NOX4: variants seen among roughly 807,000 people sequenced by gnomAD.
The protein encoded by NOX4 is kidney oxidase-1.
NOX4 carries 69 observed loss-of-function variants against 87.6 expected under a neutral mutation model. The ratio of observed to expected loss-of-function variants is 0.79; its 90% confidence interval spans 0.65 to 0.96. The LOEUF (loss-of-function observed/expected upper bound fraction) is 0.96, where lower values mean the gene tolerates loss of function less well. Among genes scored for constraint, NOX4 ranks in the 40% least tolerant of loss-of-function variants. NOX4 has a pLI of 0.00. For missense variants in NOX4, 680 were observed against 681.5 expected, an observed-to-expected ratio of 1.00 and a Z score of 0.02; for synonymous variants, 275 against 238.2, an observed-to-expected ratio of 1.15 and a Z score of -1.42.
At chr11:89,399,990 T>A in intron 11 of NOX4, 27 bp downstream of exon 11, 2 of 1,570,400 alleles carry the variant, frequency 1.3e-6, no homozygotes, top group South Asian at 2.3e-5. Flanking sequence ...CCTACAAATG[T>A]GAAAAAGCAA....
At chr11:89,374,702 T>C (rs1939708804) in intron 11 of NOX4, among the ~76,000 whole-genome samples, 1 of 151,970 alleles carries the variant, frequency 6.6e-6, no homozygotes, top group Non-Finnish European at 1.5e-5. Flanking sequence ...TGGGTGAGAG[T>C]TGCATAAGAA....
intron 7 of NOX4, among the ~76,000 whole-genome samples, chr11:89,429,540 C>T (rs1361665897): frequency 6.6e-6 from 1 of 152,120 alleles, no homozygotes; most frequent in Non-Finnish European, 1.5e-5. Context: ...CAACACCGAT[C>T]GCACAGAAAT....
chr11:89,460,905 A>G (rs1342321610), intron 2 of NOX4, among the ~76,000 whole-genome samples: 2 of 152,202 alleles, frequency 1.3e-5, no homozygotes, highest in African/African-American at 4.8e-5. Flanking sequence ...CTTGGAACCA[A>G]CCCAAATGTC....
chr11:89,421,602 A>C (rs1008417441), intron 8 of NOX4, among the ~76,000 whole-genome samples: 3 of 152,158 alleles, frequency 2.0e-5, no homozygotes, highest in Non-Finnish European at 4.4e-5. Flanking sequence ...CTTCATTCTT[A>C]AATTTTTTCA....
In NOX4 at chr11:89,324,922, A is replaced by G. The variant is rs534760655; in HGVS notation, c.*1834T>C. 7.2e-4 allele frequency: 109 copies of G among 152,136 alleles called. 1 individual carries two copies. The highest frequency in any genetic ancestry group is 3.4e-3 in the Middle Eastern group (1 of 294). The allele number at this position is 152,136 out of a possible 1,614,324, so 9.4% of individuals were successfully genotyped here. On this transcript the variant is annotated 3_prime_UTR_variant, in exon 18 of 18. Coordinates refer to ENST00000263317, the MANE Select transcript of NOX4 (RefSeq NM_016931.5). ...TATCTACAAGTAAATATCATTCAGT[A>G]TGGGTTAGCATGCTTGATTGCTATT... is the stretch of plus-strand genomic sequence containing the variant.
intron 8 of NOX4, among the ~76,000 whole-genome samples, chr11:89,404,076 T>C (rs1839635244): frequency 6.6e-6 from 1 of 152,180 alleles, no homozygotes. Context: ...ACAGTAGATA[T>C]AGCCTATGTA....
chr11:89,485,496 TTTAA>T (rs1395411818), intron 2 of NOX4, among the ~76,000 whole-genome samples: 1 of 152,078 alleles, frequency 6.6e-6, no homozygotes, highest in Non-Finnish European at 1.5e-5. Context: ...CATGATATTC[TTTAA>T]TTATTAAAAT....
At chr11:89,350,880 A>G (rs1361609132) in intron 13 of NOX4, among the ~76,000 whole-genome samples, 2 of 152,150 alleles carry the variant, frequency 1.3e-5, no homozygotes, top group South Asian at 2.1e-4. Context: ...AGACAAAACA[A>G]TATTGAATTT....
intron 2 of NOX4, among the ~76,000 whole-genome samples, chr11:89,482,625 T>C (rs968218460): frequency 3.9e-5 from 6 of 152,004 alleles, no homozygotes; most frequent in African/African-American, 1.2e-4. Context: ...GAAATTTCTT[T>C]CCTTTAAACC....
the NOX4 span, among the ~76,000 whole-genome samples, chr11:89,542,676 C>G: frequency 6.6e-6 from 1 of 152,112 alleles, no homozygotes; most frequent in Non-Finnish European, 1.5e-5. Context: ...CTTTTTATCC[C>G]TTTCTTCACT....
At chr11:89,513,177 G>C in the NOX4 span, among the ~76,000 whole-genome samples, 1 of 151,934 alleles carries the variant, frequency 6.6e-6, no homozygotes. Context: ...AAAATTAGCT[G>C]TGTGTGGTGG....
At chr11:89,351,552 A>G (rs1431108002) in intron 13 of NOX4, among the ~76,000 whole-genome samples, 2 of 152,186 alleles carry the variant, frequency 1.3e-5, no homozygotes, top group African/African-American at 2.4e-5. Context: ...CAAAGCTTCA[A>G]AGGATAGACT....
At chr11:89,395,577 C>T (rs1357503643) in intron 11 of NOX4, among the ~76,000 whole-genome samples, 2 of 152,032 alleles carry the variant, frequency 1.3e-5, no homozygotes, top group Admixed American at 6.6e-5. Context: ...AAGTCCTTGC[C>T]CATGCCTATG....
At chr11:89,389,581 C>A (rs1940976887) in intron 11 of NOX4, among the ~76,000 whole-genome samples, 1 of 152,102 alleles carries the variant, frequency 6.6e-6, no homozygotes, top group Middle Eastern at 3.2e-3. Flanking sequence ...GTAGTATGGA[C>A]AATCGAAAGC....
intron 11 of NOX4, among the ~76,000 whole-genome samples, chr11:89,397,035 A>C (rs1241077833): frequency 1.3e-5 from 2 of 152,110 alleles, no homozygotes; most frequent in Non-Finnish European, 2.9e-5. Context: ...GCACCACATT[A>C]CACTTATTCC....
intron 2 of NOX4, among the ~76,000 whole-genome samples, chr11:89,454,231 G>T (rs1295986993): frequency 6.6e-6 from 1 of 151,926 alleles, no homozygotes; most frequent in Non-Finnish European, 1.5e-5. Flanking sequence ...CAAGACCAGG[G>T]TAAATATTTC....
At chr11:89,362,716 T>A (rs1374483692) in intron 12 of NOX4, among the ~76,000 whole-genome samples, 1 of 151,962 alleles carries the variant, frequency 6.6e-6, no homozygotes, top group African/African-American at 2.4e-5. Flanking sequence ...TCAAGAGTAG[T>A]TGTCATTCAT....
intron 17 of NOX4, among the ~76,000 whole-genome samples, chr11:89,328,078 T>C (rs1349924762): frequency 6.6e-6 from 1 of 152,060 alleles, no homozygotes; most frequent in Non-Finnish European, 1.5e-5. Context: ...GTGACTACAC[T>C]GAGGAGACAA....
At chr11:89,352,580 C>A (rs1946506741) in intron 13 of NOX4, among the ~76,000 whole-genome samples, 2 of 152,242 alleles carry the variant, frequency 1.3e-5, no homozygotes, top group Middle Eastern at 6.8e-3. Context: ...ATAATATCAA[C>A]ATTAATAGGA....
Sources: gnomAD v4.1 joint callset for allele counts (sites outside exome capture counted in the v4.1 genomes callset) on GRCh38, gnomAD v4.1.1 for gene constraint, MANE v1.5 for transcripts, NCBI Gene and HGNC (gene_info 2026-07-23, HGNC 2026-07-21) for gene names.